Variants in TVP23C observed in about 807,000 individuals in gnomAD.
TVP23C encodes trans-golgi network vesicle protein 23 homolog C, also known as Golgi apparatus membrane protein TVP23 homolog C.
TVP23C carries 19 observed loss-of-function variants against 28.7 expected under a neutral mutation model. The ratio of observed to expected loss-of-function variants is 0.66; its 90% CI spans 0.46 to 0.97. The LOEUF (loss-of-function observed/expected upper bound fraction) is 0.97. Ranked by LOEUF, TVP23C falls within the 50% of genes least tolerant of loss-of-function variation. The probability of loss-of-function intolerance (pLI) is 0.00; values close to 1 mark genes in which losing one functional copy is unlikely to be tolerated. For missense variants in TVP23C, 186 were observed against 241.3 expected (o/e 0.77, Z 1.52); for synonymous variants, 68 against 81.7 (o/e 0.83, Z 0.90).
chr17:15,503,214 CA>C lies in TVP23C; in HGVS notation c.480del (p.Ile160MetfsTer6). ...CCCAAGACTTTCAGACCAGTCTGGG[CA>C]ATGTGGCGAGACCGTCTCTACAAAA... On this transcript the variant is annotated frameshift_variant, in exon 6 of 6. Transcript: ENST00000225576. LOFTEE classifies it low-confidence loss of function (END_TRUNC). 1.3e-6 allele frequency: 2 copies of C among 1,538,530 alleles called. No individual in the cohort carries two copies. The highest frequency in any genetic ancestry group is 1.7e-6 in the Non-Finnish European group (2 of 1,143,582).
chr17:15,546,948 A>C lies in TVP23C; in HGVS notation c.330+111T>G, dbSNP rs1415159887. Reference sequence around the variant, plus strand: ...CATCTCCTTTAGTGCTGACATGCCAAGTGATTTGGTATAGTGTTTTTAATT... The same window carrying C: ...CATCTCCTTTAGTGCTGACATGCCACGTGATTTGGTATAGTGTTTTTAATT... On this transcript the variant is annotated intron_variant, in intron 4 of 5. Transcript: ENST00000518321. The C allele has an allele frequency of 9.2e-6, 9 of 979,148 alleles. No individual in the cohort carries two copies. In the African/African-American group the frequency reaches 1.5e-4, roughly 16 times the overall value. 60.7% of individuals were successfully genotyped at this position (979,148 alleles called of 1,614,324 possible).
downstream of TVP23C, among the ~76,000 whole-genome samples, chr17:15,532,371 A>G (rs150759590): frequency 0.011 from 1,709 of 152,262 alleles, 36 homozygotes; most frequent in African/African-American, 0.039. Flanking sequence ...TCAAGGAGTG[A>G]CAAATCTCTG....
rs1010142967 is a variant in TVP23C at position 15,559,014 on chromosome 17, T to C, written c.13-3650A>G. Among the ~76,000 whole-genome samples the C allele has an allele frequency of 2.8e-5, 4 of 143,264 alleles. 1 individual carries two copies. Among genetic ancestry groups the C allele is most frequent in the African/African-American group, 9.8e-5 (4 of 40,878 alleles). The allele number at this position is 143,264 out of a possible 152,430, so 94.0% of individuals were successfully genotyped here. A position where few individuals can be genotyped will look rare whatever the true frequency, so the allele number is the denominator to read the frequency against. ...CTAATATTTTAATTTCTTGCAGAAA[T>C]AGGGTCTCGTTATGTTGCCCAGGCT... is the stretch of plus-strand genomic sequence containing the variant. On this transcript the variant is annotated intron_variant, in intron 1 of 5. Coordinates refer to ENST00000518321, the MANE Select transcript of TVP23C (RefSeq NM_001135036.2).
downstream of TVP23C, among the ~76,000 whole-genome samples, chr17:15,532,514 G>A (rs940039375): frequency 4.6e-5 from 7 of 152,212 alleles, no homozygotes; most frequent in Admixed American, 4.6e-4. Flanking sequence ...CTGTGGAGCT[G>A]AGAAGAAAAT....
exon 6 of TVP23C, chr17:15,502,711 C>G (rs1981503800): frequency 1.5e-5 from 18 of 1,186,848 alleles, no homozygotes; most frequent in Non-Finnish European, 1.9e-5. Context: ...TTCGTTCTTT[C>G]TCTCTCTCCT....
intron 5 of TVP23C, among the ~76,000 whole-genome samples, chr17:15,528,756 C>A (rs1364155724): frequency 6.6e-6 from 1 of 151,918 alleles, no homozygotes; most frequent in Non-Finnish European, 1.5e-5. Flanking sequence ...CGCCGCCACA[C>A]CCAGCTAATT....
intron 5 of TVP23C, chr17:15,530,992 C>T (rs1280795957): frequency 6.6e-6 from 1 of 152,288 alleles, no homozygotes; most frequent in African/African-American, 2.4e-5. Context: ...ATCCTCCTGC[C>T]TCAGCCTCCT....
At chr17:15,558,883 T>G (rs1479738254) in intron 1 of TVP23C, among the ~76,000 whole-genome samples, 1 of 146,996 alleles carries the variant, frequency 6.8e-6, no homozygotes, top group African/African-American at 2.5e-5. Context: ...TTTTTTTTTT[T>G]GACACAGGGT....
At chr17:15,551,498 G>C (rs1215264146) in intron 3 of TVP23C, among the ~76,000 whole-genome samples, 3 of 152,098 alleles carry the variant, frequency 2.0e-5, no homozygotes, top group Middle Eastern at 3.4e-3. Context: ...ATAAGCTTTA[G>C]CATTTAAGCA....
chr17:15,540,478 T>A lies in TVP23C; in HGVS notation c.546A>T (p.Leu182Phe). The change falls in exon 6 of 6, where the codon TTA (leucine) becomes TTT (phenylalanine). Residue 182 changes from leucine (L) to phenylalanine (F), a missense_variant. Around this residue, in one of 3 missense-constraint regions of TVP23C, gnomAD observed 74 missense variants for 96.0 expected, o/e 0.77. Transcript: ENST00000518321. The stretch of plus-strand genomic sequence containing the variant: ...CAAAATATGAAGTAGCCATGCTGGT[T>A]AAATGCTTTCTGCTGCGCACCTTAC... ...IRCKVRSRKH[L>F]TSMATSYFGK... The A allele has an allele frequency of 1.2e-6, 2 of 1,608,576 alleles. No homozygotes were observed. The highest frequency in any genetic ancestry group is 8.5e-7 in the Non-Finnish European group (1 of 1,178,524).
intron 5 of TVP23C, among the ~76,000 whole-genome samples, chr17:15,527,822 G>C (rs529390847): frequency 3.3e-4 from 50 of 152,300 alleles, no homozygotes; most frequent in African/African-American, 1.2e-3. Context: ...AGAATGTCAC[G>C]AGGATGAAAC....
chr17:15,514,819 C>G (rs1424590217), intron 5 of TVP23C, among the ~76,000 whole-genome samples: 2 of 152,178 alleles, frequency 1.3e-5, no homozygotes, highest in African/African-American at 2.4e-5. Context: ...CAAAAAGCCA[C>G]AGAGGACAAC....
At chr17:15,514,248 G>A (rs1472340266) in intron 5 of TVP23C, among the ~76,000 whole-genome samples, 1 of 150,202 alleles carries the variant, frequency 6.7e-6, no homozygotes, top group Non-Finnish European at 1.5e-5. Flanking sequence ...AAATACCATA[G>A]CCTGTGTGGC....
intron 5 of TVP23C, among the ~76,000 whole-genome samples, chr17:15,510,879 C>T (rs1473882643): frequency 6.6e-6 from 1 of 151,952 alleles, no homozygotes; most frequent in Non-Finnish European, 1.5e-5. Flanking sequence ...TATGGTGAAA[C>T]TCCATCTCTA....
chr17:15,516,893 C>T (rs1982250917), intron 5 of TVP23C, among the ~76,000 whole-genome samples: 2 of 152,116 alleles, frequency 1.3e-5, no homozygotes, highest in South Asian at 4.1e-4. Context: ...TGCTTGTCTG[C>T]CCTACTTCAG....
chr17:15,555,354 T>A lies in TVP23C; in HGVS notation c.23A>T (p.Asp8Val). The change falls in exon 2 of 6, where the codon GAT (aspartate) becomes GTT (valine). Residue 8 changes from aspartate to valine, a missense_variant. Asp to Val is a radical substitution (Grantham distance 152). Around this residue, in one of 3 missense-constraint regions of TVP23C, gnomAD observed 92 missense variants for 94.3 expected, o/e 0.98. Transcript: ENST00000518321. MLQQDSN[D>V]DTEDVSLFDA... ...AAACAGTGAAACATCTTCAGTGTCA[T>A]CATTACTATCCTGGTTGGAAAAATA... 1.2e-6 allele frequency: 2 copies of A among 1,613,986 alleles called. No homozygotes were observed. The highest frequency in any genetic ancestry group is 1.7e-6 in the Non-Finnish European group (2 of 1,179,862).
intron 5 of TVP23C, among the ~76,000 whole-genome samples, chr17:15,515,192 C>T (rs1982171867): frequency 6.6e-6 from 1 of 152,064 alleles, no homozygotes; most frequent in Admixed American, 6.5e-5. Flanking sequence ...AAAGGAAAAA[C>T]GTGCAAAGGT....
chr17:15,518,300 T>A (rs1341559499), intron 5 of TVP23C, among the ~76,000 whole-genome samples: 4 of 152,298 alleles, frequency 2.6e-5, no homozygotes. Context: ...GATGTGATTG[T>A]GTCCCAAACT....
At chr17:15,507,829 A>T (rs1225993284) in intron 5 of TVP23C, among the ~76,000 whole-genome samples, 1 of 152,012 alleles carries the variant, frequency 6.6e-6, no homozygotes, top group Non-Finnish European at 1.5e-5. Flanking sequence ...ACAGAGCGAG[A>T]CTCCATCTCA....
Sources: gnomAD v4.1 joint callset for allele counts (sites outside exome capture counted in the v4.1 genomes callset) on GRCh38, gnomAD v4.1.1 for gene constraint, gnomAD v4.1.1 regional missense constraint, MANE v1.5 for transcripts, NCBI Gene and HGNC (gene_info 2026-07-23, HGNC 2026-07-21) for gene names.